The following TRPM1 variants were observed in gnomAD, a reference collection of about 807,000 sequenced individuals.
TRPM1 encodes transient receptor potential cation channel subfamily M member 1, also known as TRPM1-203 APA Isoform, Intron 10.
In TRPM1, 113 loss-of-function variants were observed where a neutral mutation model predicts 149.4. The ratio of observed to expected loss-of-function variants is 0.76; its 90% CI spans 0.65 to 0.88. The LOEUF (loss-of-function observed/expected upper bound fraction) is 0.88, where lower values mean the gene tolerates loss of function less well. Among genes scored for constraint, TRPM1 ranks in the 40% least tolerant of loss-of-function variants. TRPM1 has a pLI of 0.00. For missense variants in TRPM1, 1,976 were observed against 2,038.7 expected, an observed-to-expected ratio of 0.97 and a Z score of 0.59; for synonymous variants, 741 against 759.5, an observed-to-expected ratio of 0.98 and a Z score of 0.40.
upstream of TRPM1, among the ~76,000 whole-genome samples, chr15:31,104,566 CT>C (rs1343112714): frequency 1.4e-5 from 2 of 144,660 alleles, no homozygotes; most frequent in Admixed American, 1.4e-4. Context: ...ATCCCTAGGA[CT>C]TGCAAAATGG....
chr15:31,031,010 C>T lies in TRPM1; in HGVS notation c.3100G>A (p.Gly1034Arg), dbSNP rs1327943239. Reference sequence around the variant, plus strand: ...TCTATCTGGTCTGCAAACACCTCTCCATAGATCATCCAGTAGGGCATGTAG... The same window carrying T: ...TCTATCTGGTCTGCAAACACCTCTCTATAGATCATCCAGTAGGGCATGTAG... ...IFYMPYWMIY[G>R]EVFADQIDLY... The change falls in exon 23 of 28, where the codon GGA becomes AGA. Residue 1034 changes from glycine to arginine, a missense_variant. Physicochemically the swap from Gly to Arg is moderately radical, Grantham distance 125 (BLOSUM62 -2). Coordinates refer to ENST00000256552, the MANE Select transcript of TRPM1 (RefSeq NM_001252024.2). 2 of 1,614,176 alleles carry T rather than the reference C, an allele frequency of 1.2e-6. No homozygotes were observed. Among genetic ancestry groups the T allele is most frequent in the Non-Finnish European group, 1.7e-6 (2 of 1,180,034 alleles).
In TRPM1 at chr15:31,042,059, C is replaced by T. The variant is rs529329246; in HGVS notation, c.1979G>A (p.Ser660Asn). Reference sequence around the variant, plus strand: ...GCAGGCCACCAGGGCCTTGGCCATGCTCTCTTCCCCTCGCTGCCAGAGGAA... The same window carrying T: ...GCAGGCCACCAGGGCCTTGGCCATGTTCTCTTCCCCTCGCTGCCAGAGGAA... ...AVFLWQRGEE[S>N]MAKALVACKL... is the part of the protein sequence containing the mutation. The change falls in exon 17 of 28, where the codon AGC becomes AAC. Residue 660 changes from serine to asparagine, a missense_variant. By Grantham distance (46) the Ser-to-Asn change is conservative. Coordinates refer to ENST00000256552, the MANE Select transcript of TRPM1 (RefSeq NM_001252024.2). 1.4e-5 allele frequency: 23 copies of T among 1,614,090 alleles called. No individual in the cohort carries two copies. In the South Asian group the frequency reaches 2.2e-4, roughly 15 times the overall value.
chr15:31,104,885 T>TGC (rs1567058197), upstream of TRPM1, among the ~76,000 whole-genome samples: 2 of 151,984 alleles, frequency 1.3e-5, no homozygotes, highest in Non-Finnish European at 2.9e-5. Context: ...TGAGCCACCA[T>TGC]GCCCAGCTGC....
At chr15:31,120,931 GA>G (rs1374538226) in intron 1 of TRPM1, among the ~76,000 whole-genome samples, 3 of 152,008 alleles carry the variant, frequency 2.0e-5, no homozygotes, top group African/African-American at 7.2e-5. Flanking sequence ...GTATGTATTA[GA>G]AAAAAAGAAA....
At chr15:31,073,034 G>T (rs563475612) in intron 3 of TRPM1, among the ~76,000 whole-genome samples, 1 of 151,906 alleles carries the variant, frequency 6.6e-6, no homozygotes, top group Admixed American at 6.6e-5. Flanking sequence ...CAATTTTTTT[G>T]TTGTTTTTGT....
chr15:31,006,248 G>A (rs1346170432), intron 27 of TRPM1, among the ~76,000 whole-genome samples: 1 of 151,808 alleles, frequency 6.6e-6, no homozygotes, highest in Non-Finnish European at 1.5e-5. Flanking sequence ...CGCAATTTCC[G>A]CTCACTGCAA....
chr15:31,064,937 A>G (rs1341572481), intron 7 of TRPM1: 2 of 451,962 alleles, frequency 4.4e-6, no homozygotes, highest in African/African-American at 2.0e-5. Context: ...AAGGATTGAT[A>G]TTTTCAATCT....
chr15:31,116,677 G>A (rs1186010284), intron 1 of TRPM1, among the ~76,000 whole-genome samples: 1 of 152,032 alleles, frequency 6.6e-6, no homozygotes, highest in Non-Finnish European at 1.5e-5. Context: ...ATCACCAGAG[G>A]CTTCTGTATA....
intron 27 of TRPM1, among the ~76,000 whole-genome samples, chr15:31,012,468 A>G (rs1395048775): frequency 6.6e-6 from 1 of 152,180 alleles, no homozygotes; most frequent in African/African-American, 2.4e-5. Context: ...GCTTCTGATG[A>G]GAGGTCAGCT....
chr15:31,075,864 T>C (rs1380537649), intron 3 of TRPM1, among the ~76,000 whole-genome samples: 1 of 152,034 alleles, frequency 6.6e-6, no homozygotes, highest in African/African-American at 2.4e-5. Context: ...GTTTAAACGG[T>C]TGGTTTTTTC....
rs1271194521 is a variant in TRPM1, at chr15:31,032,868, C to T, written c.2773G>A (p.Asp925Asn). The T allele has an allele frequency of 1.2e-6, 2 of 1,614,226 alleles. No homozygotes were observed. The highest frequency in any genetic ancestry group is 8.5e-7 in the Non-Finnish European group (1 of 1,180,052). Residue 925 changes from aspartate to asparagine, a missense_variant, in exon 22 of 28, where the codon GAT becomes AAT. By Grantham distance (23) the Asp-to-Asn change is conservative. Transcript: ENST00000256552. ...VWLQEYWNIT[D>N]LVAISTFMIG... ...ATGAATGTGGAAATGGCCACGAGAT[C>T]TGTGATGTTCCAGTACTCCTGAAGC...
chr15:31,091,516 C>G (rs572645573), intron 1 of TRPM1, among the ~76,000 whole-genome samples: 2 of 152,150 alleles, frequency 1.3e-5, no homozygotes, highest in Non-Finnish European at 2.9e-5. Flanking sequence ...GGGGCAGATC[C>G]GAAGGGCAGG....
chr15:31,029,189 G>A (rs905387631), intron 24 of TRPM1, among the ~76,000 whole-genome samples, 182 bp downstream of exon 24: 2 of 152,142 alleles, frequency 1.3e-5, no homozygotes, highest in African/African-American at 4.8e-5. Context: ...TAAAAAAATA[G>A]GGTGATCCCA....
In TRPM1 at chr15:31,066,219, T is replaced by C. The variant is rs760118936; in HGVS notation, c.647A>G (p.Asn216Ser). The change falls in exon 7 of 28, where the codon AAC (asparagine) becomes AGC (serine). Residue 216 changes from asparagine (N) to serine (S), a missense_variant. Coordinates refer to ENST00000256552, the MANE Select transcript of TRPM1 (RefSeq NM_001252024.2). ...DVTRVYQTMS[N>S]PLSKLSVLNN... ...GAGCACAGAGAGCTTACTTAGAGGG[T>C]TGGACATGGTCTGGTACACTCTTGT... 5.6e-6 allele frequency: 9 copies of C among 1,614,084 alleles called. No homozygotes were observed. The highest frequency in any genetic ancestry group is 5.0e-5 in the Admixed American group (3 of 60,010).
intron 1 of TRPM1, among the ~76,000 whole-genome samples, chr15:31,090,414 C>G (rs1343954730): frequency 6.6e-6 from 1 of 151,988 alleles, no homozygotes; most frequent in Non-Finnish European, 1.5e-5. Flanking sequence ...CGAGGCAGGC[C>G]GGTCACGAGG....
intron 27 of TRPM1, among the ~76,000 whole-genome samples, chr15:31,017,043 G>A (rs528209841): frequency 2.0e-5 from 3 of 151,992 alleles, no homozygotes; most frequent in East Asian, 1.9e-4. Flanking sequence ...GGTGGTTCAC[G>A]CCTGTAATCC....
At chr15:31,066,393 G>T in intron 6 of TRPM1, 146 bp from the exon 7 acceptor site, 1 of 914,452 alleles carries the variant, frequency 1.1e-6, no homozygotes. Context: ...TTTTATTTTT[G>T]CCAATTGTTA....
At chr15:31,150,224 C>T (rs1017108603) in intron 1 of TRPM1, among the ~76,000 whole-genome samples, 1 of 152,194 alleles carries the variant, frequency 6.6e-6, no homozygotes, top group African/African-American at 2.4e-5. Context: ...TCCTGCAGGA[C>T]TTATCAGAGC....
At chr15:31,027,597 A>T (rs1172081760) in intron 25 of TRPM1, among the ~76,000 whole-genome samples, 2 of 152,254 alleles carry the variant, frequency 1.3e-5, no homozygotes. Context: ...AACAGGAAGC[A>T]GTAAGTGCAT....
Sources: allele counts gnomAD v4.1 joint callset (sites outside exome capture counted in the v4.1 genomes callset), GRCh38; gene constraint gnomAD v4.1.1; transcripts MANE v1.5; gene names NCBI Gene and HGNC (gene_info 2026-07-23, HGNC 2026-07-21).